Variants in NUAK1 observed in about 807,000 individuals in gnomAD.
NUAK1 encodes NUAK family SNF1-like kinase 1.
In NUAK1, 26 loss-of-function variants were observed where a neutral mutation model predicts 56.9. That is an observed-to-expected ratio of 0.46 (90% CI 0.33 to 0.63). NUAK1 has a LOEUF of 0.63. Among genes scored for constraint, NUAK1 ranks in the 30% least tolerant of loss-of-function variants. The probability of loss-of-function intolerance (pLI) is 0.02; values close to 1 mark genes in which losing one functional copy is unlikely to be tolerated. For synonymous variants in NUAK1, 337 were observed against 336.0 expected (o/e 1.00, Z -0.03); for missense variants, 727 against 876.1 (o/e 0.83, Z 2.15).
intron 2 of NUAK1, 102 bp downstream of exon 2, chr12:106,106,303 T>C: frequency 9.3e-7 from 1 of 1,070,016 alleles, no homozygotes. Flanking sequence ...GAAAAATACT[T>C]GGCTTCTGCC....
chr12:106,072,896 TG>T (rs1484524185), intron 4 of NUAK1, 53 bp from the exon 5 acceptor site: 1 of 1,607,170 alleles, frequency 6.2e-7, no homozygotes, highest in African/African-American at 1.3e-5. Flanking sequence ...AGATTATGTC[TG>T]TGTTGGATCA....
At chr12:106,114,634 C>T (rs1439537294) in intron 1 of NUAK1, among the ~76,000 whole-genome samples, 1 of 152,148 alleles carries the variant, frequency 6.6e-6, no homozygotes, top group Non-Finnish European at 1.5e-5. Context: ...CATACAGGCC[C>T]CAAGTTCACG....
At chr12:106,112,264 C>T (rs776679740) in intron 1 of NUAK1, among the ~76,000 whole-genome samples, 11 of 152,244 alleles carry the variant, frequency 7.2e-5, no homozygotes, top group East Asian at 1.9e-4. Context: ...GCACGTTCCA[C>T]GGGAGCTGCA....
chr12:106,096,145 G>A (rs549127581), intron 2 of NUAK1, among the ~76,000 whole-genome samples: 1 of 152,210 alleles, frequency 6.6e-6, no homozygotes, highest in East Asian at 1.9e-4. Flanking sequence ...CATAGTAAAG[G>A]GCAATAGAGT....
intron 1 of NUAK1, among the ~76,000 whole-genome samples, chr12:106,111,801 C>T (rs2032861717): frequency 1.3e-5 from 2 of 151,414 alleles, no homozygotes; most frequent in Non-Finnish European, 2.9e-5. Context: ...TAATCATGTG[C>T]CAGTGGACCT....
intron 2 of NUAK1, among the ~76,000 whole-genome samples, chr12:106,098,051 G>A (rs559280851): frequency 6.6e-5 from 10 of 152,274 alleles, no homozygotes; most frequent in East Asian, 1.9e-4. Flanking sequence ...GGGCGATGCC[G>A]TGTACAATAA....
intron 2 of NUAK1, among the ~76,000 whole-genome samples, chr12:106,104,383 G>A (rs2032780831): frequency 6.6e-6 from 1 of 152,324 alleles, no homozygotes; most frequent in African/African-American, 2.4e-5. Flanking sequence ...CTTCTTGAGT[G>A]TGGGATCTAT....
At chr12:106,123,236 G>A (rs542022622) in intron 1 of NUAK1, among the ~76,000 whole-genome samples, 1 of 152,292 alleles carries the variant, frequency 6.6e-6, no homozygotes, top group East Asian at 1.9e-4. Flanking sequence ...GTGCTATGGA[G>A]CTAATAAAGC....
At chr12:106,137,505 C>A (rs1231435977) in intron 1 of NUAK1, among the ~76,000 whole-genome samples, 1 of 152,210 alleles carries the variant, frequency 6.6e-6, no homozygotes, top group Non-Finnish European at 1.5e-5. Flanking sequence ...AACTCTCTAG[C>A]CACAAGCAGT....
chr12:106,096,485 C>T (rs764944382), intron 2 of NUAK1, among the ~76,000 whole-genome samples: 16 of 152,136 alleles, frequency 1.1e-4, no homozygotes, highest in East Asian at 3.8e-4. Flanking sequence ...CGAATAAGGG[C>T]GAGTCCTCAG....
chr12:106,135,340 G>A (rs1457046805), intron 1 of NUAK1, among the ~76,000 whole-genome samples: 1 of 152,236 alleles, frequency 6.6e-6, no homozygotes, highest in African/African-American at 2.4e-5. Context: ...AAGACTGCAG[G>A]AGAGTGCCTG....
At chr12:106,094,356 G>T (rs75771164) in intron 2 of NUAK1, among the ~76,000 whole-genome samples, 2,048 of 152,304 alleles carry the variant, frequency 0.013, 46 homozygotes, top group African/African-American at 0.047. Flanking sequence ...ACAGAAAGTA[G>T]CTTATCACTT....
At chr12:106,078,513 T>A (rs1372368176) in intron 4 of NUAK1, among the ~76,000 whole-genome samples, 1 of 152,196 alleles carries the variant, frequency 6.6e-6, no homozygotes, top group Admixed American at 6.5e-5. Context: ...TCTGTGTAAC[T>A]CTTCGGGAAG....
chr12:106,090,981 G>C (rs945670404), intron 2 of NUAK1, among the ~76,000 whole-genome samples: 3 of 152,196 alleles, frequency 2.0e-5, no homozygotes, highest in Non-Finnish European at 4.4e-5. Context: ...TAATACTGAA[G>C]AATGAGCAGC....
At chr12:106,102,897 ACCAACTGAAGC>A (rs1244669492) in intron 2 of NUAK1, among the ~76,000 whole-genome samples, 2 of 152,186 alleles carry the variant, frequency 1.3e-5, no homozygotes, top group Admixed American at 6.5e-5. Context: ...TAAGGGTTTC[ACCAACTGAAGC>A]CCCAGCTCCC....
At chr12:106,118,302 C>T (rs1013218556) in intron 1 of NUAK1, among the ~76,000 whole-genome samples, 13 of 152,196 alleles carry the variant, frequency 8.5e-5, no homozygotes, top group African/African-American at 3.1e-4. Context: ...GTCACAAAGG[C>T]CCCACCCAAG....
At chr12:106,079,887 C>T (rs1344672026) in intron 4 of NUAK1, among the ~76,000 whole-genome samples, 2 of 152,158 alleles carry the variant, frequency 1.3e-5, no homozygotes, top group African/African-American at 4.8e-5. Flanking sequence ...AGAAATTTGG[C>T]CATCTAGTTC....
chr12:106,128,430 T>C (rs993623173), intron 1 of NUAK1, among the ~76,000 whole-genome samples: 2 of 152,162 alleles, frequency 1.3e-5, no homozygotes, highest in Non-Finnish European at 2.9e-5. Flanking sequence ...CCACTCCCGC[T>C]TCCCTTTTTG....
rs57837292 is a variant in NUAK1 at position 106,064,793 on chromosome 12, A to ACCCCCCCCCCCCC, written c.*2008_*2009insGGGGGGGGGGGGG. The ACCCCCCCCCCCCC allele has an allele frequency of 5.2e-5, 6 of 114,562 alleles. No individual in the cohort carries two copies. The highest frequency in any genetic ancestry group is 2.9e-4 in the South Asian group (1 of 3,462). 7.1% of individuals were successfully genotyped at this position (114,562 alleles called of 1,614,324 possible). ...TTGTCCTCCATGCACCCACACCCCC[A>ACCCCCCCCCCCCC]CCCCCCCCCACACACACAATTTGCT... is the stretch of plus-strand genomic sequence containing the variant. On this transcript the variant is annotated 3_prime_UTR_variant, in exon 7 of 7. Transcript: ENST00000261402.
Sources: allele counts gnomAD v4.1 joint callset (sites outside exome capture counted in the v4.1 genomes callset), GRCh38; gene constraint gnomAD v4.1.1; transcripts MANE v1.5; gene names NCBI Gene and HGNC (gene_info 2026-07-23, HGNC 2026-07-21).